The following TASOR variants were observed in gnomAD, a reference collection of about 807,000 sequenced individuals.
The protein encoded by TASOR is transcription activation suppressor, also known as protein TASOR.
In TASOR, 53 loss-of-function variants were observed where a neutral mutation model predicts 178.6. The observed-to-expected ratio is 0.30, with a 90% CI of 0.24 to 0.37. The LOEUF is 0.37. Among genes scored for constraint, TASOR ranks in the 10% least tolerant of loss-of-function variants. The pLI is 1.00. For synonymous variants in TASOR, 713 were observed against 696.2 expected (o/e 1.02, Z -0.38); for missense variants, 1,815 against 1,971.4 (o/e 0.92, Z 1.50).
intron 17 of TASOR, among the ~76,000 whole-genome samples, chr3:56,634,891 T>C (rs1169299245): frequency 6.6e-6 from 1 of 152,234 alleles, no homozygotes; most frequent in Non-Finnish European, 1.5e-5. Flanking sequence ...AAAATATATT[T>C]AACTTCAATT....
At chr3:56,663,500 T>C (rs753499527) in intron 8 of TASOR, 41 bp downstream of exon 8, 6 of 1,003,862 alleles carry the variant, frequency 6.0e-6, no homozygotes, top group Non-Finnish European at 5.5e-6. Context: ...TATGTACTTA[T>C]TCTTTCCATT....
chr3:56,660,939 C>T lies in TASOR; in HGVS notation c.1239G>A (p.Lys413=). ...KQKIPPALFY[K]ETYLGPNEVL... ...CTTCATTTGGACCTAAGTATGTTTC[C>T]TTATAAAACAGTGCTGGAGGGATTT... is the stretch of plus-strand genomic sequence containing the variant. The change falls in exon 10 of 24, where the codon AAG becomes AAA. Residue 413 remains lysine, a synonymous_variant. Coordinates refer to ENST00000683822, the MANE Select transcript of TASOR (RefSeq NM_001365635.2). The T allele has an allele frequency of 1.2e-6, 2 of 1,611,800 alleles. No individual in the cohort carries two copies. The highest frequency in any genetic ancestry group is 1.7e-6 in the Non-Finnish European group (2 of 1,178,410).
chr3:56,669,185 C>CT (rs1176836192), intron 5 of TASOR, among the ~76,000 whole-genome samples: 2 of 152,038 alleles, frequency 1.3e-5, no homozygotes, highest in Non-Finnish European at 2.9e-5. Flanking sequence ...AAAACAAACT[C>CT]TTAAGTACGG....
rs1353626979 is a variant in TASOR at position 56,620,729 on chromosome 3, G to A, written c.*2308C>T. ...GTGTTAGTTTACTTCTTGCTTAGTG[G>A]AGACAAAAATTGTGAGATAAAGAGG... is the stretch of plus-strand genomic sequence containing the variant. On this transcript the variant is annotated 3_prime_UTR_variant, in exon 24 of 24. Transcript: ENST00000683822. The A allele has an allele frequency of 1.3e-5, 2 of 152,104 alleles. No individual in the cohort carries two copies. Among genetic ancestry groups the A allele is most frequent in the African/African-American group, 2.4e-5 (1 of 41,338 alleles). 9.4% of individuals were successfully genotyped at this position (152,104 alleles called of 1,614,324 possible).
intron 7 of TASOR, chr3:56,664,298 A>C (rs2077662190): frequency 6.6e-6 from 1 of 152,224 alleles, no homozygotes; most frequent in South Asian, 2.1e-4. Flanking sequence ...CAAGAGATGG[A>C]ATCAAAGAGG....
chr3:56,653,083 C>T (rs1388700076), intron 11 of TASOR, among the ~76,000 whole-genome samples: 4 of 151,570 alleles, frequency 2.6e-5, no homozygotes, highest in South Asian at 2.1e-4. Flanking sequence ...GCCAACATGG[C>T]GAAACCCTGT....
In TASOR at chr3:56,624,625, A is replaced by G. The variant is rs958978776; in HGVS notation, c.4337T>C (p.Leu1446Pro). ...TATTCCATTATCTGTATAACTGGAA[A>G]GCATCTTGATGTTCTTCTCTAAATT... ...VFLTEKNIKM[L>P]SSYTDNGIVV... is the part of the protein sequence containing the mutation. Residue 1446 changes from leucine (L) to proline (P), a missense_variant, in exon 23 of 24, where the codon CTT (leucine) becomes CCT (proline). Leu to Pro is a moderately conservative substitution (Grantham distance 98). Coordinates refer to ENST00000683822, the MANE Select transcript of TASOR (RefSeq NM_001365635.2). The G allele has an allele frequency of 6.2e-7, 1 of 1,612,238 alleles. No homozygotes were observed. Among genetic ancestry groups the G allele is most frequent in the Non-Finnish European group, 8.5e-7 (1 of 1,179,562 alleles).
chr3:56,641,797 G>A, intron 14 of TASOR, 45 bp from the exon 15 acceptor site: 1 of 1,526,444 alleles, frequency 6.6e-7, no homozygotes, highest in Non-Finnish European at 8.8e-7. Flanking sequence ...TTAAAAGCAA[G>A]CATAAAACTT....
intron 23 of TASOR, 94 bp downstream of exon 23, chr3:56,624,385 G>T: frequency 1.6e-6 from 2 of 1,276,530 alleles, no homozygotes; most frequent in Non-Finnish European, 1.1e-6. Flanking sequence ...TGAGGTACGT[G>T]GTTTCAAAAT....
At position 56,635,705 on chromosome 3, in the gene TASOR, T is replaced by C. The variant is rs534951907; in HGVS notation, c.2825-1739A>G. On this transcript the variant is annotated intron_variant, in intron 17 of 23. Coordinates refer to ENST00000683822, the MANE Select transcript of TASOR (RefSeq NM_001365635.2). ...GTTTCCCAGACTGGCCCTGAATTTC[T>C]GGCCTCAATTCCTCCTGCCTCAGTC... Among the ~76,000 whole-genome samples the C allele has an allele frequency of 2.0e-3, 300 of 152,298 alleles. 12 individuals carry two copies. The South Asian group carries it at 0.057, about 29-fold the overall frequency.
chr3:56,661,226 A>C (rs2077587250), intron 9 of TASOR, among the ~76,000 whole-genome samples: 1 of 152,202 alleles, frequency 6.6e-6, no homozygotes, highest in Non-Finnish European at 1.5e-5. Flanking sequence ...AGCTCACTGC[A>C]GCTTCAACCT....
chr3:56,657,986 G>T (rs992013710), intron 11 of TASOR, among the ~76,000 whole-genome samples: 3 of 152,184 alleles, frequency 2.0e-5, no homozygotes, highest in African/African-American at 7.2e-5. Context: ...GCAAAGGAGG[G>T]CCAATACATT....
At chr3:56,630,237 T>C (rs1485700619) in intron 18 of TASOR, among the ~76,000 whole-genome samples, 2 of 152,194 alleles carry the variant, frequency 1.3e-5, no homozygotes, top group East Asian at 3.8e-4. Context: ...CTGGTAATCT[T>C]TGATGTCTTC....
Position 56,646,818 on chromosome 3 carries a change from C to A in TASOR, c.1919G>T (p.Gly640Val). The change falls in exon 14 of 24, where the codon GGT (glycine) becomes GTT (valine). Residue 640 changes from glycine (G) to valine (V), a missense_variant. This residue lies in a region of TASOR where 504 missense variants were observed against 645.3 expected (regional missense o/e 0.78). Transcript: ENST00000683822. ...QQFSPLSDYEGQEEEMNGTKM... is the reference protein window; with the variant it reads ...QQFSPLSDYEVQEEEMNGTKM... The stretch of plus-strand genomic sequence containing the variant: ...TGTACCATTCATTTCTTCTTCTTGA[C>A]CTTCATAATCTGAAAGTGGACTAAA... 9.3e-6 allele frequency: 15 copies of A among 1,611,626 alleles called. No individual in the cohort carries two copies. The highest frequency in any genetic ancestry group is 1.2e-5 in the Non-Finnish European group (14 of 1,179,512).
chr3:56,679,082 C>T lies in TASOR; in HGVS notation c.331+3594G>A, dbSNP rs143223523. Among the ~76,000 whole-genome samples, 538 of 150,328 alleles carry T rather than the reference C, an allele frequency of 3.6e-3. 2 individuals are homozygous for T. Among genetic ancestry groups the T allele is most frequent in the Non-Finnish European group, 4.8e-3 (325 of 67,708 alleles). ...TAAACAATTGTCTGATTTAAAGTAA[C>T]TAATACATAGAAGATGACGAAATAA... On this transcript the variant is annotated intron_variant, in intron 1 of 23. Coordinates refer to ENST00000683822, the MANE Select transcript of TASOR (RefSeq NM_001365635.2).
chr3:56,639,809 C>G (rs571049208), intron 16 of TASOR, among the ~76,000 whole-genome samples, 177 bp downstream of exon 16: 1 of 152,280 alleles, frequency 6.6e-6, no homozygotes, highest in Admixed American at 6.5e-5. Flanking sequence ...TGACCAAGAA[C>G]AGCAACACTC....
intron 3 of TASOR, chr3:56,671,347 AT>A (rs1308531361): frequency 1.3e-5 from 4 of 305,538 alleles, no homozygotes; most frequent in Non-Finnish European, 2.4e-5. Context: ...TCAGAAAAAA[AT>A]AAATAAATAA....
chr3:56,633,436 G>C lies in TASOR; in HGVS notation c.3355C>G (p.His1119Asp), dbSNP rs1390921456. 28 of 1,614,098 alleles carry C rather than the reference G, an allele frequency of 1.7e-5. No homozygotes were observed. Among genetic ancestry groups the C allele is most frequent in the Non-Finnish European group, 2.4e-5 (28 of 1,179,978 alleles). Residue 1119 changes from histidine to aspartate, a missense_variant, in exon 18 of 24, where the codon CAT (histidine) becomes GAT (aspartate). This residue lies in a region of TASOR where 655 missense variants were observed against 671.1 expected (regional missense o/e 0.98). Transcript: ENST00000683822. ...AKIASNPLER[H>D]VIPVSSSDFN... ...TCACTTGAGGAAACTGGTATGACAT[G>C]CCTTTCCAGAGGATTCGATGCTATC...
At chr3:56,632,784 T>C (rs1213519856) in intron 18 of TASOR, among the ~76,000 whole-genome samples, 1 of 152,012 alleles carries the variant, frequency 6.6e-6, no homozygotes, top group African/African-American at 2.4e-5. Context: ...GGGACTACAG[T>C]AGAGTGCCAC....
Sources: allele counts gnomAD v4.1 joint callset (sites outside exome capture counted in the v4.1 genomes callset), GRCh38; gene constraint gnomAD v4.1.1; regional missense constraint gnomAD v4.1.1; transcripts MANE v1.5; gene names NCBI Gene and HGNC (gene_info 2026-07-23, HGNC 2026-07-21).